Variants in MTUS2 observed in about 807,000 individuals in gnomAD.
The protein encoded by MTUS2 is microtubule-associated tumor suppressor candidate 2.
A neutral mutation model predicts 114.1 loss-of-function variants in MTUS2; 40 were observed. The ratio of observed to expected loss-of-function variants is 0.35; its 90% CI spans 0.27 to 0.46. MTUS2 has a LOEUF of 0.46. MTUS2 is among the 20% of genes least tolerant of loss of function. The pLI, the probability that MTUS2 is intolerant of heterozygous loss-of-function variation, is 1.00. For synonymous variants in MTUS2, 688 were observed against 672.0 expected, an observed-to-expected ratio of 1.02 and a Z score of -0.37; for missense variants, 1,679 against 1,705.4, an observed-to-expected ratio of 0.98 and a Z score of 0.27.
intron 2 of MTUS2, among the ~76,000 whole-genome samples, chr13:28,965,779 C>T (rs1001682528): frequency 2.0e-5 from 3 of 152,302 alleles, no homozygotes; most frequent in South Asian, 2.1e-4. Context: ...AGCAGAGTTC[C>T]TTCTTCCTCT....
At chr13:29,499,010 G>A (rs1882726632) in intron 14 of MTUS2, among the ~76,000 whole-genome samples, 1 of 152,170 alleles carries the variant, frequency 6.6e-6, no homozygotes, top group African/African-American at 2.4e-5. Flanking sequence ...AAGGCAGAAG[G>A]GGCCAGGGAT....
At chr13:29,499,747 C>T (rs1882765770) in intron 14 of MTUS2, among the ~76,000 whole-genome samples, 4 of 152,250 alleles carry the variant, frequency 2.6e-5, no homozygotes, top group Non-Finnish European at 5.9e-5. Context: ...ATCTGTATAA[C>T]CAAGCCAGGG....
chr13:29,215,643 G>T lies in MTUS2; in HGVS notation c.2645-66061G>T, dbSNP rs193221798. ...CTAACAGTCAGGCCCCTCTATTGCTGGTCTGCTGGAATTTGCTGGAGGTCT... is the reference window on the plus strand; with the variant it reads ...CTAACAGTCAGGCCCCTCTATTGCTTGTCTGCTGGAATTTGCTGGAGGTCT... On this transcript the variant is annotated intron_variant, in intron 5 of 15. Coordinates refer to ENST00000612955, the MANE Select transcript of MTUS2 (RefSeq NM_001033602.4). Among the ~76,000 whole-genome samples the T allele has an allele frequency of 1.7e-3, 261 of 152,100 alleles. 1 individual carries two copies. The highest frequency in any genetic ancestry group is 6.1e-3 in the African/African-American group (253 of 41,486).
chr13:29,285,061 G>A (rs549792529), intron 6 of MTUS2, among the ~76,000 whole-genome samples: 10 of 151,640 alleles, frequency 6.6e-5, no homozygotes, highest in Non-Finnish European at 1.2e-4. Context: ...GACCTATGGG[G>A]TCAACTTGAA....
rs763286405 is a variant in MTUS2 at position 29,025,887 on chromosome 13, A to G, written c.1189A>G (p.Lys397Glu). The change falls in exon 3 of 16, where the codon AAA becomes GAA. Residue 397 changes from lysine to glutamate, a missense_variant. Physicochemically the swap from Lys to Glu is moderately conservative, Grantham distance 56 (BLOSUM62 1). Coordinates refer to ENST00000612955, the MANE Select transcript of MTUS2 (RefSeq NM_001033602.4). ...GEQDSLHTTP[K>E]QGSASLGGAD... is the part of the protein sequence containing the mutation. ...GCAGGATTCTCTCCACACCACCCCCAAACAGGGCTCTGCTTCCTTAGGAGG... is the reference window on the plus strand; with the variant it reads ...GCAGGATTCTCTCCACACCACCCCCGAACAGGGCTCTGCTTCCTTAGGAGG... 1.2e-6 allele frequency: 2 copies of G among 1,613,534 alleles called. No homozygotes were observed. Among genetic ancestry groups the G allele is most frequent in the South Asian group, 2.2e-5 (2 of 90,998 alleles).
intron 8 of MTUS2, among the ~76,000 whole-genome samples, chr13:29,371,970 A>ACC (rs1197762029): frequency 0.01 from 116 of 11,452 alleles, 3 homozygotes; most frequent in Non-Finnish European, 0.021. Flanking sequence ...AGTGTCCTCA[A>ACC]CCCCCGCCCC....
chr13:29,150,142 T>G (rs1443179558), intron 5 of MTUS2, among the ~76,000 whole-genome samples: 6 of 152,284 alleles, frequency 3.9e-5, no homozygotes, highest in Admixed American at 3.9e-4. Context: ...TTCTTCCTAT[T>G]CATGAGCATG....
At position 29,326,620 on chromosome 13, in the gene MTUS2, T is replaced by C. The variant is rs558477730; in HGVS notation, c.2905+1909T>C. 1.6e-4 allele frequency among the ~76,000 whole-genome samples: 24 copies of C among 152,134 alleles called. No homozygotes were observed. In the East Asian group the frequency reaches 4.4e-3, roughly 28 times the overall value. ...GAAATTGAAAGAATACAATAAGATA[T>C]TAGAAATGAACTCAAATATGTCATA... On this transcript the variant is annotated intron_variant, in intron 7 of 15. Coordinates refer to ENST00000612955, the MANE Select transcript of MTUS2 (RefSeq NM_001033602.4).
intron 2 of MTUS2, among the ~76,000 whole-genome samples, chr13:28,845,811 T>A (rs1037053413): frequency 2.6e-5 from 4 of 152,054 alleles, no homozygotes; most frequent in African/African-American, 9.7e-5. Context: ...TGTGTGACTT[T>A]ACTTATGTTA....
chr13:29,079,936 A>G (rs1206190203), intron 4 of MTUS2, among the ~76,000 whole-genome samples: 3 of 152,206 alleles, frequency 2.0e-5, no homozygotes, highest in Non-Finnish European at 4.4e-5. Context: ...CAGATAAGCC[A>G]TGTGGCATTT....
At chr13:29,166,727 A>C (rs998069383) in intron 5 of MTUS2, among the ~76,000 whole-genome samples, 3 of 152,216 alleles carry the variant, frequency 2.0e-5, no homozygotes. Context: ...TTCCTTAAAA[A>C]GTTGTTTGAG....
At chr13:28,999,938 C>G (rs555471790) in intron 2 of MTUS2, among the ~76,000 whole-genome samples, 1 of 152,304 alleles carries the variant, frequency 6.6e-6, no homozygotes, top group South Asian at 2.1e-4. Context: ...CATGTTGTTG[C>G]AAATGACAGT....
At chr13:29,047,768 C>T (rs796952143) in intron 4 of MTUS2, among the ~76,000 whole-genome samples, 6 of 152,294 alleles carry the variant, frequency 3.9e-5, no homozygotes, top group African/African-American at 1.2e-4. Flanking sequence ...CCTTGGCCTC[C>T]CAAAGTGCTG....
chr13:29,118,350 A>G (rs1891172958), intron 5 of MTUS2, among the ~76,000 whole-genome samples: 1 of 151,984 alleles, frequency 6.6e-6, no homozygotes, highest in African/African-American at 2.4e-5. Context: ...GAGGTTAGTG[A>G]TGGACACTGG....
At chr13:29,266,692 A>G (rs1897679471) in intron 5 of MTUS2, among the ~76,000 whole-genome samples, 1 of 152,212 alleles carries the variant, frequency 6.6e-6, no homozygotes, top group Admixed American at 6.5e-5. Flanking sequence ...TCCCAGGAGC[A>G]GTTGCAAAAA....
chr13:28,846,467 A>C (rs1203997614), intron 2 of MTUS2, among the ~76,000 whole-genome samples: 1 of 152,206 alleles, frequency 6.6e-6, no homozygotes, highest in Non-Finnish European at 1.5e-5. Flanking sequence ...TCAAGTCAAA[A>C]GCTGTGTGTG....
intron 5 of MTUS2, among the ~76,000 whole-genome samples, chr13:29,126,877 A>G (rs1158710636): frequency 6.6e-6 from 1 of 152,184 alleles, no homozygotes; most frequent in East Asian, 1.9e-4. Context: ...ACATGTGGTT[A>G]ATGGTACCCA....
chr13:29,382,951 A>G lies in MTUS2; in HGVS notation c.3117+23478A>G, dbSNP rs367844955. Among the ~76,000 whole-genome samples, 6 of 152,288 alleles carry G rather than the reference A, an allele frequency of 3.9e-5. No individual in the cohort carries two copies. The South Asian group carries it at 8.3e-4, about 21-fold the overall frequency. On this transcript the variant is annotated intron_variant, in intron 8 of 15. Transcript: ENST00000612955. ...GGGACAGAGGAGAGAGGAGGCAGTG[A>G]TACAGCAACACGAGCAAGAGAACAG...
intron 2 of MTUS2, among the ~76,000 whole-genome samples, chr13:28,870,205 A>G (rs1290113902): frequency 6.6e-6 from 1 of 152,230 alleles, no homozygotes; most frequent in Non-Finnish European, 1.5e-5. Flanking sequence ...CCTCATACAT[A>G]TTAGTAAAAA....
Sources: allele counts gnomAD v4.1 joint callset (sites outside exome capture counted in the v4.1 genomes callset), GRCh38; gene constraint gnomAD v4.1.1; transcripts MANE v1.5; gene names NCBI Gene and HGNC (gene_info 2026-07-23, HGNC 2026-07-21).